Variants in LINC00632 observed in about 807,000 individuals in gnomAD.
LINC00632 encodes the protein long independently transcribed non-coding RNA 632.
chrX:140,753,176 C>T (rs187579222), intron 3 of LINC00632, among the ~76,000 whole-genome samples: 1 of 111,667 alleles, frequency 9.0e-6, no homozygotes, highest in East Asian at 2.8e-4. Flanking sequence ...TTTTCAACTA[C>T]CAGTCTCTTT....
intron 2 of LINC00632, among the ~76,000 whole-genome samples, chrX:140,722,948 C>CTGA (rs199893270): frequency 0.04 from 4,371 of 107,928 alleles, 151 homozygotes; most frequent in African/African-American, 0.12. Context: ...ACTCGGGAGG[C>CTGA]TGAGGCAGGA....
chrX:140,756,341 A>C (rs1273420285), intron 3 of LINC00632, among the ~76,000 whole-genome samples: 1 of 112,667 alleles, frequency 8.9e-6, no homozygotes, highest in South Asian at 3.7e-4. Context: ...GGCTACAGTG[A>C]ATAAAAATGA....
intron 3 of LINC00632, among the ~76,000 whole-genome samples, chrX:140,762,547 G>A (rs931534036): frequency 8.9e-6 from 1 of 112,334 alleles, no homozygotes. Flanking sequence ...CAGACTTAAC[G>A]ATTATTTGTA....
chrX:140,780,439 T>C (rs903859747), exon 5 of LINC00632, among the ~76,000 whole-genome samples: 3 of 112,026 alleles, frequency 2.7e-5, no homozygotes, highest in African/African-American at 9.7e-5. Flanking sequence ...CTGCAGTGAT[T>C]CTTTATGCTA....
intron 1 of LINC00632, chrX:140,709,941 GATTA>G (rs1930481539): frequency 5.3e-6 from 1 of 190,208 alleles, no homozygotes; most frequent in South Asian, 9.0e-5. Flanking sequence ...TTGGGAAATG[GATTA>G]ATTAAATTCT....
exon 5 of LINC00632, among the ~76,000 whole-genome samples, chrX:140,779,066 G>T (rs1263298184): frequency 9.0e-6 from 1 of 111,636 alleles, no homozygotes; most frequent in Non-Finnish European, 1.9e-5. Flanking sequence ...CCATGTAAAT[G>T]GGTGTTTTTT....
exon 5 of LINC00632, among the ~76,000 whole-genome samples, chrX:140,788,911 ATATG>A (rs774828438): frequency 0.015 from 312 of 20,464 alleles, 8 homozygotes; most frequent in Middle Eastern, 0.067. Flanking sequence ...GTATATATAT[ATATG>A]TGTGTGTGTG....
rs202208325 is a variant in LINC00632 at position 140,768,686 on chromosome X, TATA to T, written n.192-3388_192-3386del. On this transcript the variant is annotated intron_variant and non_coding_transcript_variant, in intron 3 of 4. Transcript: ENST00000648200. Reference sequence around the variant, plus strand: ...AAATCTATAATAAATATACATACTATATAATATATTTATTATATAATAAATATA... The same window carrying T: ...AAATCTATAATAAATATACATACTATATATATTTATTATATAATAAATATA... Among the ~76,000 whole-genome samples, 421 of 97,529 alleles carry T rather than the reference TATA, an allele frequency of 4.3e-3. 2 individuals carry two copies. Among genetic ancestry groups the T allele is most frequent in the South Asian group, 0.022 (53 of 2,407 alleles). The allele number at this position is 97,529 out of a possible 115,157, so 84.7% of individuals were successfully genotyped here. A position where few individuals can be genotyped will look rare whatever the true frequency, so the allele number is the denominator to read the frequency against.
chrX:140,757,101 G>A (rs1277292683), intron 3 of LINC00632, among the ~76,000 whole-genome samples: 1 of 111,077 alleles, frequency 9.0e-6, no homozygotes. Context: ...GCAGACGAGA[G>A]AAGAATTGGC....
intron 2 of LINC00632, among the ~76,000 whole-genome samples, chrX:140,718,258 C>T (rs763878127): frequency 1.1e-4 from 12 of 111,269 alleles, no homozygotes; most frequent in Admixed American, 2.9e-4. Context: ...TTACTCCACA[C>T]GAAATTGGAC....
At chrX:140,773,626 T>C (rs182128815) in exon 4 of LINC00632, among the ~76,000 whole-genome samples, 16 of 112,071 alleles carry the variant, frequency 1.4e-4, no homozygotes, top group Admixed American at 1.3e-3. Flanking sequence ...GTCTTTGAAG[T>C]GTTTTGTTCT....
intron 3 of LINC00632, among the ~76,000 whole-genome samples, chrX:140,736,720 C>T (rs1178268037): frequency 9.2e-6 from 1 of 109,248 alleles, no homozygotes; most frequent in Admixed American, 9.9e-5. Context: ...TAGGCATGAG[C>T]CACTGTACTC....
At chrX:140,719,587 C>T (rs1214739982) in intron 2 of LINC00632, among the ~76,000 whole-genome samples, 1 of 109,156 alleles carries the variant, frequency 9.2e-6, no homozygotes, top group Non-Finnish European at 1.9e-5. Context: ...TGAGCCACCA[C>T]GCCTGGCCTC....
exon 5 of LINC00632, chrX:140,783,971 G>A: frequency 8.3e-7 from 1 of 1,210,132 alleles, no homozygotes. Context: ...TGGCCTCCAG[G>A]TCTTCCAGAC....
intron 3 of LINC00632, among the ~76,000 whole-genome samples, chrX:140,742,906 GA>G (rs770687173): frequency 3.9e-5 from 4 of 101,299 alleles, no homozygotes; most frequent in African/African-American, 1.5e-4. Context: ...GAAAGGAAAG[GA>G]AAAGGGAAAG....
At chrX:140,710,024 A>G (rs1402019292) in intron 1 of LINC00632, among the ~76,000 whole-genome samples, 1 of 112,303 alleles carries the variant, frequency 8.9e-6, no homozygotes, top group African/African-American at 3.2e-5. Flanking sequence ...AGGAGGCAAT[A>G]TAGAAACTTT....
chrX:140,743,858 G>A (rs1931281884), intron 3 of LINC00632, among the ~76,000 whole-genome samples: 1 of 111,481 alleles, frequency 9.0e-6, no homozygotes, highest in Non-Finnish European at 1.9e-5. Flanking sequence ...AAATTTTTAG[G>A]TGTTGCTACT....
chrX:140,787,086 A>C (rs997360128), exon 5 of LINC00632, among the ~76,000 whole-genome samples: 2 of 111,617 alleles, frequency 1.8e-5, no homozygotes, highest in African/African-American at 6.5e-5. Context: ...AAAAATATTT[A>C]AACAATTGTG....
intron 1 of LINC00632, among the ~76,000 whole-genome samples, chrX:140,711,305 TGTCA>T (rs906490077): frequency 2.7e-5 from 3 of 111,776 alleles, no homozygotes; most frequent in East Asian, 2.8e-4. Flanking sequence ...ATCTTATTAC[TGTCA>T]GTCTCTTTTC....
Sources: gnomAD v4.1 joint callset for allele counts (sites outside exome capture counted in the v4.1 genomes callset) on GRCh38, gnomAD v4.1.1 for gene constraint, MANE v1.5 for transcripts, NCBI Gene and HGNC (gene_info 2026-07-23, HGNC 2026-07-21) for gene names.